Variants in MCM8 observed in about 807,000 individuals in gnomAD.
MCM8 encodes the protein DNA helicase MCM8.
Under a neutral mutation model 98.9 loss-of-function variants are expected in MCM8, and 85 were observed. The observed-to-expected ratio is 0.86, with a 90% CI of 0.72 to 1.03. The LOEUF is 1.03. Among genes scored for constraint, MCM8 ranks in the 50% least tolerant of loss-of-function variants. The pLI is 0.00. For synonymous variants in MCM8, 352 were observed against 338.6 expected, an observed-to-expected ratio of 1.04 and a Z score of -0.44; for missense variants, 951 against 997.8, an observed-to-expected ratio of 0.95 and a Z score of 0.63.
intron 10 of MCM8, among the ~76,000 whole-genome samples, chr20:5,969,342 A>G (rs2089349034): frequency 6.6e-6 from 1 of 152,232 alleles, no homozygotes; most frequent in East Asian, 1.9e-4. Flanking sequence ...CCGTAATCCC[A>G]GCACTTTGGG....
At chr20:5,990,844 C>G (rs1183848797) in intron 17 of MCM8, 2 of 152,316 alleles carry the variant, frequency 1.3e-5, no homozygotes, top group East Asian at 3.9e-4. Context: ...GACTTACAGT[C>G]TAGAATGTGT....
intron 17 of MCM8, among the ~76,000 whole-genome samples, chr20:5,993,225 C>T (rs2089888036): frequency 6.6e-6 from 1 of 151,976 alleles, no homozygotes; most frequent in Admixed American, 6.6e-5. Flanking sequence ...AAGAATGTCC[C>T]AGGTATTTAT....
chr20:5,972,034 T>C lies in MCM8; in HGVS notation c.1251T>C (p.His417=), dbSNP rs779908182. Residue 417 remains histidine (H), a synonymous_variant, in exon 11 of 19, where the codon CAT becomes CAC. Transcript: ENST00000610722. ...VNSLCPVIFG[H]ELVKAGLALA... ...CGCTTTGCCCTGTCATTTTTGGTCA[T>C]GAAGTAAGTATTTTACTTCATCTTT... 3.1e-6 allele frequency: 5 copies of C among 1,610,748 alleles called. No individual in the cohort carries two copies. The highest frequency in any genetic ancestry group is 1.7e-4 in the Middle Eastern group (1 of 6,022).
intron 14 of MCM8, among the ~76,000 whole-genome samples, chr20:5,984,466 A>C (rs755823882): frequency 6.6e-6 from 1 of 152,214 alleles, no homozygotes; most frequent in Non-Finnish European, 1.5e-5. Flanking sequence ...AAAATACTGA[A>C]CTAGCTAACC....
chr20:5,977,416 T>C (rs1009574017), intron 12 of MCM8, among the ~76,000 whole-genome samples: 2 of 152,248 alleles, frequency 1.3e-5, no homozygotes, highest in African/African-American at 2.4e-5. Context: ...TTTTAACTCT[T>C]GTGCTGTTTA....
At chr20:5,981,377 A>C (rs975850016) in intron 13 of MCM8, among the ~76,000 whole-genome samples, 1 of 151,730 alleles carries the variant, frequency 6.6e-6, no homozygotes, top group Admixed American at 6.6e-5. Flanking sequence ...TCCACATTGA[A>C]CAGCAGGAAC....
chr20:5,992,769 G>A (rs1425033882), intron 17 of MCM8, among the ~76,000 whole-genome samples: 1 of 152,158 alleles, frequency 6.6e-6, no homozygotes, highest in Non-Finnish European at 1.5e-5. Flanking sequence ...TGCCCAGCAG[G>A]TGACCAGTAT....
chr20:5,973,243 G>A (rs780363040), intron 12 of MCM8, 47 bp downstream of exon 12: 16 of 1,603,022 alleles, frequency 1.0e-5, no homozygotes, highest in East Asian at 4.5e-5. Context: ...TGTAAAATGC[G>A]TTAATAATTC....
In MCM8 at chr20:5,952,163, G is replaced by A. The variant is rs999421557; in HGVS notation, c.148G>A (p.Glu50Lys). 1 of 1,612,776 alleles carries A rather than the reference G, an allele frequency of 6.2e-7. No homozygotes were observed. The highest frequency in any genetic ancestry group is 1.3e-5 in the African/African-American group (1 of 74,864). ...TAAAACCACAGGAAAACGTACTTCT[G>A]GTAGGTGAGGTCAATGATTGTTCAA... Reference protein sequence around the residue: ...LSKTTGKRTSEQTPQFLLSTK... With the variant: ...LSKTTGKRTSKQTPQFLLSTK... Residue 50 changes from glutamate (E) to lysine (K), a missense_variant and splice_region_variant, in exon 2 of 19, where the codon GAA becomes AAA. Glu to Lys is a moderately conservative substitution (Grantham distance 56, BLOSUM62 1). Transcript: ENST00000610722.
intron 12 of MCM8, among the ~76,000 whole-genome samples, chr20:5,973,883 G>A (rs772482705): frequency 7.2e-5 from 11 of 152,046 alleles, no homozygotes; most frequent in Non-Finnish European, 1.6e-4. Context: ...TTGAACTCTT[G>A]GCCTCAAGTG....
At position 5,967,848 on chromosome 20, in the gene MCM8, A is replaced by G; in HGVS notation, c.1046A>G (p.Asp349Gly). The G allele has an allele frequency of 6.2e-7, 1 of 1,605,736 alleles. No individual in the cohort carries two copies. Among genetic ancestry groups the G allele is most frequent in the Non-Finnish European group, 8.5e-7 (1 of 1,176,944 alleles). The stretch of plus-strand genomic sequence containing the variant: ...TTTACAGGTTCTCGAAATAAGAATG[A>G]CAAGTGTATGTTCCTTTTGTATATT... ...NAEEGSRNKN[D>G]KCMFLLYIEA... is the part of the protein sequence containing the mutation. The change falls in exon 10 of 19, where the codon GAC becomes GGC. Residue 349 changes from aspartate to glycine, a missense_variant. Transcript: ENST00000610722.
intron 12 of MCM8, among the ~76,000 whole-genome samples, chr20:5,973,701 C>G (rs1316421884): frequency 6.6e-6 from 1 of 152,154 alleles, no homozygotes; most frequent in East Asian, 1.9e-4. Flanking sequence ...GTTGCCCAGG[C>G]TGGAGTGCAG....
At chr20:5,980,752 A>G (rs891573372) in intron 13 of MCM8, among the ~76,000 whole-genome samples, 1 of 152,082 alleles carries the variant, frequency 6.6e-6, no homozygotes, top group Non-Finnish European at 1.5e-5. Flanking sequence ...CATGCCTGTA[A>G]TCCCTGCTGC....
Position 5,997,323 on chromosome 20 carries a change from T to TA in MCM8, c.*2933dup, listed in dbSNP as rs780798636. 2 of 152,368 alleles carry TA rather than the reference T, an allele frequency of 1.3e-5. No individual in the cohort carries two copies. The highest frequency in any genetic ancestry group is 2.9e-5 in the Non-Finnish European group (2 of 68,294). 9.4% of individuals were successfully genotyped at this position (152,368 alleles called of 1,614,324 possible). A position where few individuals can be genotyped will look rare whatever the true frequency, so the allele number is the denominator to read the frequency against. On this transcript the variant is annotated 3_prime_UTR_variant, in exon 19 of 19. Transcript: ENST00000610722. ...CCTCAGCCTCCCAAGTAGCTGGGAT[T>TA]ATAGGCATGTGCCACCATGGCTAAT...
intron 17 of MCM8, among the ~76,000 whole-genome samples, chr20:5,989,118 G>GTTTTTTTTTT (rs1568599607): frequency 7.4e-5 from 7 of 94,406 alleles, no homozygotes; most frequent in African/African-American, 3.7e-4. Flanking sequence ...AATAGCGCAA[G>GTTTTTTTTTT]TCTTTTTTTT....
In MCM8 at chr20:5,954,642, T is replaced by G. The variant is rs1477416016; in HGVS notation, c.288T>G (p.Ile96Met). The change falls in exon 4 of 19, where the codon ATT (isoleucine) becomes ATG (methionine). Residue 96 changes from isoleucine (I) to methionine (M), a missense_variant. Transcript: ENST00000610722. ...ATAGCTCTCCTTTGATTGAGAAGAT[T>G]CAAGCATTTGAAAAATTTTTCACAA... ...YSDSSPLIEK[I>M]QAFEKFFTRH... is the part of the protein sequence containing the mutation. 1 of 1,611,270 alleles carries G rather than the reference T, an allele frequency of 6.2e-7. No homozygotes were observed. Among genetic ancestry groups the G allele is most frequent in the Non-Finnish European group, 8.5e-7 (1 of 1,177,744 alleles).
In MCM8 at chr20:5,984,805, A is replaced by G; in HGVS notation, c.1758A>G (p.Arg586=). ...GAATGGGGAGTGCACTACTATCCAG[A>G]TTTGATTTGGTCTTTATCCTGTTAG... ...NLKMGSALLS[R]FDLVFILLDT... Residue 586 remains arginine (R), a synonymous_variant, in exon 15 of 19, where the codon AGA becomes AGG. Transcript: ENST00000610722. 1 of 1,613,724 alleles carries G rather than the reference A, an allele frequency of 6.2e-7. No individual in the cohort carries two copies. The highest frequency in any genetic ancestry group is 8.5e-7 in the Non-Finnish European group (1 of 1,179,702).
In MCM8 at chr20:5,984,641, C is replaced by G. The variant is rs528162994; in HGVS notation, c.1734-140C>G. 1.4e-5 allele frequency: 9 copies of G among 634,734 alleles called. No homozygotes were observed. In the African/African-American group the frequency reaches 1.5e-4, roughly 10 times the overall value. 39.3% of individuals were successfully genotyped at this position (634,734 alleles called of 1,614,324 possible). A position where few individuals can be genotyped will look rare whatever the true frequency, so the allele number is the denominator to read the frequency against. On this transcript the variant is annotated intron_variant, in intron 14 of 18. Coordinates refer to ENST00000610722, the MANE Select transcript of MCM8 (RefSeq NM_032485.6). ...GGTTGGATATATCGAATCCAAGAAG[C>G]TATTTGCTTATTTCTTTAACCTAAA...
intron 6 of MCM8, among the ~76,000 whole-genome samples, chr20:5,957,561 G>A (rs236118): frequency 0.3 from 46,166 of 151,988 alleles, 9,285 homozygotes; most frequent in African/African-American, 0.57. Flanking sequence ...TCTGAAATCT[G>A]AAATGCTCCA....
Sources: gnomAD v4.1 joint callset for allele counts (sites outside exome capture counted in the v4.1 genomes callset) on GRCh38, gnomAD v4.1.1 for gene constraint, MANE v1.5 for transcripts, NCBI Gene and HGNC (gene_info 2026-07-23, HGNC 2026-07-21) for gene names.